The following CDIN1 variants were observed in gnomAD, a reference collection of about 807,000 sequenced individuals.
The protein encoded by CDIN1 is CDAN1 interacting nuclease 1.
Under a neutral mutation model 45.3 loss-of-function variants are expected in CDIN1, and 33 were observed. That is an observed-to-expected ratio of 0.73 (90% CI 0.55 to 0.97). The LOEUF is 0.97. Ranked by LOEUF, CDIN1 falls within the 50% of genes least tolerant of loss-of-function variation. The pLI is 0.00. For missense variants in CDIN1, 303 were observed against 339.4 expected, an observed-to-expected ratio of 0.89 and a Z score of 0.84; for synonymous variants, 118 against 124.4, an observed-to-expected ratio of 0.95 and a Z score of 0.34.
In CDIN1 at chr15:36,757,238, T is replaced by C. The variant is rs148893307; in HGVS notation, c.716+47277T>C. Reference sequence around the variant, plus strand: ...GTCGTGGGAATAACAGTTAGGGTTATGGAGGCCCAGGAATGGAAAGATGGT... The same window carrying C: ...GTCGTGGGAATAACAGTTAGGGTTACGGAGGCCCAGGAATGGAAAGATGGT... On this transcript the variant is annotated intron_variant, in intron 10 of 10. Transcript: ENST00000566621. Among the ~76,000 whole-genome samples, 954 of 152,310 alleles carry C rather than the reference T, an allele frequency of 6.3e-3. 11 individuals are homozygous for C. The highest frequency in any genetic ancestry group is 0.022 in the African/African-American group (899 of 41,556).
intron 10 of CDIN1, among the ~76,000 whole-genome samples, chr15:36,763,207 T>C (rs2053821332): frequency 6.6e-6 from 1 of 152,236 alleles, no homozygotes; most frequent in South Asian, 2.1e-4. Flanking sequence ...AGATGGTATC[T>C]CGTTGTGGTT....
intron 1 of CDIN1, among the ~76,000 whole-genome samples, chr15:36,635,911 T>G (rs1487001203): frequency 1.3e-5 from 2 of 151,702 alleles, no homozygotes; most frequent in African/African-American, 4.8e-5. Flanking sequence ...TACCGGAATG[T>G]AACATACAAT....
intron 10 of CDIN1, among the ~76,000 whole-genome samples, chr15:36,781,575 A>G (rs1442884024): frequency 2.0e-5 from 3 of 149,138 alleles, no homozygotes; most frequent in Non-Finnish European, 4.4e-5. Flanking sequence ...TTTCCAAATG[A>G]CTGAAACATG....
At chr15:36,623,678 A>G (rs896430706) in intron 1 of CDIN1, among the ~76,000 whole-genome samples, 3 of 152,240 alleles carry the variant, frequency 2.0e-5, no homozygotes, top group African/African-American at 7.2e-5. Context: ...TTTTGGTTAT[A>G]AGGCCTCTGA....
chr15:36,729,438 C>T (rs2043761105), intron 10 of CDIN1, among the ~76,000 whole-genome samples: 1 of 152,114 alleles, frequency 6.6e-6, no homozygotes, highest in African/African-American at 2.4e-5. Context: ...ATCAAAGTAG[C>T]AAACATCTGT....
chr15:36,586,959 A>C (rs989027323), intron 1 of CDIN1, among the ~76,000 whole-genome samples: 1 of 152,226 alleles, frequency 6.6e-6, no homozygotes, highest in Non-Finnish European at 1.5e-5. Context: ...GATTCAAATA[A>C]GTAGAATATA....
rs562946689 is a variant in CDIN1, at chr15:36,650,266, G to A, written c.213-3832G>A. ...ACAAATTTCACCAAGAATCTTTCCT[G>A]TTTAGAAATAAAATGGCGTTAGTAC... On this transcript the variant is annotated intron_variant, in intron 3 of 10. Coordinates refer to ENST00000566621, the MANE Select transcript of CDIN1 (RefSeq NM_001321759.2). 6.6e-5 allele frequency among the ~76,000 whole-genome samples: 10 copies of A among 152,178 alleles called. No homozygotes were observed. In the South Asian group the frequency reaches 2.1e-3, roughly 32 times the overall value.
intron 1 of CDIN1, chr15:36,594,916 G>A: frequency 1.0e-6 from 1 of 985,048 alleles, no homozygotes; most frequent in Non-Finnish European, 1.2e-6. Context: ...CTGTTTAGTT[G>A]TGGTAAGTTC....
chr15:36,604,155 C>T (rs1200600791), intron 1 of CDIN1, among the ~76,000 whole-genome samples: 3 of 152,036 alleles, frequency 2.0e-5, no homozygotes, highest in African/African-American at 7.3e-5. Flanking sequence ...ATGCTTGGTT[C>T]CACCCTGAAG....
At position 36,675,691 on chromosome 15, in the gene CDIN1, C is replaced by T. The variant is rs118123155; in HGVS notation, c.347-15994C>T. Reference sequence around the variant, plus strand: ...AACATCCGCATCATTTAATGATATACGGATTTTAATTATATAGTACACTGT... The same window carrying T: ...AACATCCGCATCATTTAATGATATATGGATTTTAATTATATAGTACACTGT... On this transcript the variant is annotated intron_variant, in intron 5 of 10. Transcript: ENST00000566621. 2.8e-3 allele frequency among the ~76,000 whole-genome samples: 429 copies of T among 152,198 alleles called. 3 individuals carry two copies. Among genetic ancestry groups the T allele is most frequent in the Non-Finnish European group, 5.0e-3 (338 of 68,000 alleles).
intron 10 of CDIN1, among the ~76,000 whole-genome samples, chr15:36,727,679 T>C (rs1318697100): frequency 5.3e-5 from 8 of 152,192 alleles, no homozygotes; most frequent in Admixed American, 5.2e-4. Flanking sequence ...TTAAATATAT[T>C]AGGCATCCAG....
chr15:36,736,484 T>C (rs2044024034), intron 10 of CDIN1, among the ~76,000 whole-genome samples: 1 of 152,210 alleles, frequency 6.6e-6, no homozygotes, highest in Non-Finnish European at 1.5e-5. Flanking sequence ...GGCATGTGTC[T>C]ACGAGATGCT....
chr15:36,716,798 T>G (rs1307351239), intron 10 of CDIN1, among the ~76,000 whole-genome samples: 6 of 152,304 alleles, frequency 3.9e-5, no homozygotes, highest in South Asian at 4.1e-4. Flanking sequence ...ATGAAATAGT[T>G]GCTTTATGAA....
At chr15:36,598,076 G>A (rs1342950715) in intron 1 of CDIN1, among the ~76,000 whole-genome samples, 1 of 152,026 alleles carries the variant, frequency 6.6e-6, no homozygotes, top group Non-Finnish European at 1.5e-5. Flanking sequence ...CTGCAGCCTC[G>A]ACCTCCTGGG....
At chr15:36,803,515 T>C (rs1293339300) in intron 10 of CDIN1, among the ~76,000 whole-genome samples, 1 of 152,188 alleles carries the variant, frequency 6.6e-6, no homozygotes, top group African/African-American at 2.4e-5. Flanking sequence ...GTTCAATTTT[T>C]TAAAATTAAT....
At chr15:36,701,477 G>A (rs189271540) in intron 8 of CDIN1, among the ~76,000 whole-genome samples, 82 of 152,196 alleles carry the variant, frequency 5.4e-4, no homozygotes, top group African/African-American at 1.7e-3. Context: ...ACAATGCAAA[G>A]ACAACAAGAC....
chr15:36,654,229 T>C, intron 4 of CDIN1, 71 bp downstream of exon 4: 1 of 1,259,486 alleles, frequency 7.9e-7, no homozygotes, highest in East Asian at 2.5e-5. Flanking sequence ...TAACTTTGCT[T>C]ACAATTATAA....
At chr15:36,761,804 T>A (rs2053770563) in intron 10 of CDIN1, among the ~76,000 whole-genome samples, 1 of 152,246 alleles carries the variant, frequency 6.6e-6, no homozygotes, top group African/African-American at 2.4e-5. Flanking sequence ...TACTGTTGCA[T>A]ACTGATATGC....
At chr15:36,803,756 A>G (rs894104236) in intron 10 of CDIN1, among the ~76,000 whole-genome samples, 11 of 152,194 alleles carry the variant, frequency 7.2e-5, no homozygotes, top group African/African-American at 2.4e-4. Flanking sequence ...TGAGTGTGTT[A>G]GTGAACCTTG....
Sources: gnomAD v4.1 joint callset for allele counts (sites outside exome capture counted in the v4.1 genomes callset) on GRCh38, gnomAD v4.1.1 for gene constraint, MANE v1.5 for transcripts, NCBI Gene and HGNC (gene_info 2026-07-23, HGNC 2026-07-21) for gene names.